ANKRD27: variants seen among roughly 807,000 people sequenced by gnomAD.
ANKRD27 encodes the protein ankyrin repeat domain-containing protein 27.
Under a neutral mutation model 129.7 loss-of-function variants are expected in ANKRD27, and 112 were observed. That is an observed-to-expected ratio of 0.86 (90% confidence interval 0.74 to 1.01). The LOEUF (loss-of-function observed/expected upper bound fraction) is 1.01, where lower values mean the gene tolerates loss of function less well. ANKRD27 is among the 50% of genes least tolerant of loss of function. ANKRD27 has a pLI of 0.00. For synonymous variants in ANKRD27, 516 were observed against 511.2 expected, an observed-to-expected ratio of 1.01 and a Z score of -0.13; for missense variants, 1,258 against 1,300.5, an observed-to-expected ratio of 0.97 and a Z score of 0.50.
intron 22 of ANKRD27, chr19:32,608,525 G>A: frequency 9.9e-6 from 2 of 203,044 alleles, no homozygotes; most frequent in East Asian, 1.2e-4. Context: ...AAAACTGTAT[G>A]CTAAATTAAA....
intron 1 of ANKRD27, among the ~76,000 whole-genome samples, chr19:32,661,118 T>C (rs925055704): frequency 2.0e-5 from 3 of 151,388 alleles, no homozygotes; most frequent in Non-Finnish European, 4.4e-5. Flanking sequence ...GGAGAATCAC[T>C]TGAGCCCAGG....
intron 1 of ANKRD27, among the ~76,000 whole-genome samples, chr19:32,668,362 C>G (rs1967800035): frequency 6.6e-6 from 1 of 152,106 alleles, no homozygotes; most frequent in Non-Finnish European, 1.5e-5. Context: ...CAGTGTCTCA[C>G]TATGTTGCCC....
intron 11 of ANKRD27, 122 bp downstream of exon 11, chr19:32,640,185 G>A (rs988279930): frequency 2.3e-5 from 15 of 640,652 alleles, no homozygotes; most frequent in East Asian, 2.1e-4. Context: ...GGATGGTCTC[G>A]ATCTCCTGAC....
chr19:32,600,115 C>T (rs1233564312), intron 26 of ANKRD27, 65 bp from the exon 27 acceptor site: 14 of 1,167,370 alleles, frequency 1.2e-5, no homozygotes, highest in Non-Finnish European at 1.6e-5. Context: ...TTTAAAATTA[C>T]AGCACAGACA....
intron 1 of ANKRD27, 101 bp downstream of exon 1, chr19:32,674,970 T>A (rs959363518): frequency 6.6e-6 from 1 of 150,428 alleles, no homozygotes; most frequent in African/African-American, 2.5e-5. Flanking sequence ...AGGGAGCCCC[T>A]CCCCCCTCAC....
Position 32,657,769 on chromosome 19 carries a change from T to C in ANKRD27, c.102+1145A>G, listed in dbSNP as rs1640356102. 2.0e-5 allele frequency among the ~76,000 whole-genome samples: 3 copies of C among 151,508 alleles called. No homozygotes were observed. In the South Asian group the frequency reaches 6.3e-4, roughly 32 times the overall value. On this transcript the variant is annotated intron_variant, in intron 2 of 28. Coordinates refer to ENST00000306065, the MANE Select transcript of ANKRD27 (RefSeq NM_032139.3). ...TGGGCAGATCACCTGAGGCCGGGAG[T>C]TCGGGACCAGCCTGGCCAACATGGG...
At chr19:32,642,544 C>T (rs1967221704) in intron 9 of ANKRD27, among the ~76,000 whole-genome samples, 1 of 152,074 alleles carries the variant, frequency 6.6e-6, no homozygotes, top group African/African-American at 2.4e-5. Context: ...TCAAGACCAG[C>T]CTGGCCAACA....
At chr19:32,649,912 G>A in intron 2 of ANKRD27, 120 bp from the exon 3 acceptor site, 3 of 713,002 alleles carry the variant, frequency 4.2e-6, no homozygotes, top group Admixed American at 2.1e-5. Context: ...CAGAGAGAAC[G>A]CCCGAGGTCC....
chr19:32,658,483 G>A (rs917157126), intron 2 of ANKRD27, among the ~76,000 whole-genome samples: 2 of 152,186 alleles, frequency 1.3e-5, no homozygotes, highest in African/African-American at 2.4e-5. Flanking sequence ...TCAAAGCAGT[G>A]TATGAATGTG....
intron 1 of ANKRD27, among the ~76,000 whole-genome samples, chr19:32,673,757 G>A (rs755134513): frequency 1.3e-5 from 2 of 152,092 alleles, no homozygotes; most frequent in Non-Finnish European, 2.9e-5. Context: ...GTTAAAGGAC[G>A]GACCCCTGGG....
rs145275774 is a variant in ANKRD27 at position 32,657,235 on chromosome 19, G to A, written c.102+1679C>T. ...TTCCAGCACGCTGGGGGGCCGAGGC[G>A]GGTGGATCACGAGGTCAGGAGATCG... is the stretch of plus-strand genomic sequence containing the variant. On this transcript the variant is annotated intron_variant, in intron 2 of 28. Coordinates refer to ENST00000306065, the MANE Select transcript of ANKRD27 (RefSeq NM_032139.3). Among the ~76,000 whole-genome samples, 381 of 151,946 alleles carry A rather than the reference G, an allele frequency of 2.5e-3. 4 individuals are homozygous for A. In the South Asian group the frequency reaches 0.032, roughly 13 times the overall value.
At chr19:32,618,963 G>A (rs1046090731) in intron 20 of ANKRD27, among the ~76,000 whole-genome samples, 3 of 152,162 alleles carry the variant, frequency 2.0e-5, no homozygotes, top group Admixed American at 2.0e-4. Context: ...ACTTCTACAT[G>A]ACCTGACTTG....
At position 32,612,253 on chromosome 19, in the gene ANKRD27, C is replaced by G. The variant is rs549493354; in HGVS notation, c.2175+3405G>C. Among the ~76,000 whole-genome samples, 9 of 152,134 alleles carry G rather than the reference C, an allele frequency of 5.9e-5. No homozygotes were observed. In the South Asian group the frequency reaches 1.9e-3, roughly 32 times the overall value. Reference sequence around the variant, plus strand: ...GGCCTAAATACTTGGAGAGATGTACCATGTTCATGAAGACTCAACATACGT... The same window carrying G: ...GGCCTAAATACTTGGAGAGATGTACGATGTTCATGAAGACTCAACATACGT... On this transcript the variant is annotated intron_variant, in intron 22 of 28. Coordinates refer to ENST00000306065, the MANE Select transcript of ANKRD27 (RefSeq NM_032139.3).
At chr19:32,606,405 C>T (rs1433491225) in intron 23 of ANKRD27, among the ~76,000 whole-genome samples, 1 of 152,068 alleles carries the variant, frequency 6.6e-6, no homozygotes, top group Non-Finnish European at 1.5e-5. Flanking sequence ...CCACCCGTCT[C>T]GGCCTCCCAA....
At chr19:32,657,791 T>C (rs1008358325) in intron 2 of ANKRD27, among the ~76,000 whole-genome samples, 3 of 151,752 alleles carry the variant, frequency 2.0e-5, no homozygotes, top group African/African-American at 4.8e-5. Context: ...CTGGCCAACA[T>C]GGGTGAAACT....
intron 25 of ANKRD27, among the ~76,000 whole-genome samples, chr19:32,603,206 G>C (rs554916049): frequency 6.6e-6 from 1 of 152,084 alleles, no homozygotes; most frequent in South Asian, 2.1e-4. Flanking sequence ...GCTGAGGCAC[G>C]AGAATCGCTT....
At chr19:32,665,287 GA>G (rs1430831781) in intron 1 of ANKRD27, among the ~76,000 whole-genome samples, 2 of 128,646 alleles carry the variant, frequency 1.6e-5, no homozygotes, top group African/African-American at 5.4e-5. Context: ...CTAAATTCAT[GA>G]ATTTTTTTTT....
chr19:32,668,875 A>G (rs7252199), intron 1 of ANKRD27, among the ~76,000 whole-genome samples: 15,544 of 152,018 alleles, frequency 0.1, 2,529 homozygotes, highest in African/African-American at 0.34. Context: ...TCCTATCTTA[A>G]TGCTCACAAT....
rs1250004044 is a variant in ANKRD27, at chr19:32,598,278, C to A, written c.3020G>T (p.Gly1007Val). The A allele has an allele frequency of 1.2e-6, 2 of 1,614,188 alleles. No individual in the cohort carries two copies. Among genetic ancestry groups the A allele is most frequent in the Non-Finnish European group, 1.7e-6 (2 of 1,180,044 alleles). The change falls in exon 29 of 29, where the codon GGA (glycine) becomes GTA (valine). Residue 1007 changes from glycine (G) to valine (V), a missense_variant. Transcript: ENST00000306065. ...KGNSDWPERPGLTQTGPGHRR... is the reference protein window; with the variant it reads ...KGNSDWPERPVLTQTGPGHRR... ...GTGTCCAGGGCCAGTCTGTGTCAGT[C>A]CAGGCCTCTCTGGCCAGTCGCTGTT...
Sources: allele counts gnomAD v4.1 joint callset (sites outside exome capture counted in the v4.1 genomes callset), GRCh38; gene constraint gnomAD v4.1.1; transcripts MANE v1.5; gene names NCBI Gene and HGNC (gene_info 2026-07-23, HGNC 2026-07-21).